Variants in ATXN7L1 observed in about 807,000 individuals in gnomAD.
The protein encoded by ATXN7L1 is ataxin 7 like 1.
In ATXN7L1, 15 loss-of-function variants were observed where a neutral mutation model predicts 70.8. That is an observed-to-expected ratio of 0.21 (90% confidence interval 0.14 to 0.33). The LOEUF (loss-of-function observed/expected upper bound fraction) is 0.33. Ranked by LOEUF, ATXN7L1 falls within the 10% of genes least tolerant of loss-of-function variation. The pLI is 1.00. For synonymous variants in ATXN7L1, 440 were observed against 445.1 expected (o/e 0.99, Z 0.14); for missense variants, 975 against 1,097.1 (o/e 0.89, Z 1.57).
At chr7:105,691,292 C>T (rs1227234357) in intron 3 of ATXN7L1, among the ~76,000 whole-genome samples, 3 of 152,122 alleles carry the variant, frequency 2.0e-5, no homozygotes, top group Non-Finnish European at 4.4e-5. Flanking sequence ...CGTTTGTGAA[C>T]GACTAAAGGA....
intron 3 of ATXN7L1, among the ~76,000 whole-genome samples, chr7:105,707,219 G>T (rs1309653164): frequency 6.6e-6 from 1 of 152,178 alleles, no homozygotes; most frequent in Non-Finnish European, 1.5e-5. Context: ...AACCCAGGCG[G>T]TGGGTTGAAT....
intron 3 of ATXN7L1, among the ~76,000 whole-genome samples, chr7:105,750,189 C>T (rs753859083): frequency 6.6e-6 from 1 of 151,740 alleles, no homozygotes; most frequent in Non-Finnish European, 1.5e-5. Flanking sequence ...TTTGCAGCCC[C>T]GGGGCCTGCT....
intron 2 of ATXN7L1, among the ~76,000 whole-genome samples, chr7:105,823,905 G>T (rs1810495682): frequency 6.6e-6 from 1 of 152,148 alleles, no homozygotes; most frequent in African/African-American, 2.4e-5. Flanking sequence ...TACTTCAGAT[G>T]GCAGGGGTAA....
intron 3 of ATXN7L1, among the ~76,000 whole-genome samples, chr7:105,784,032 G>C (rs1411786120): frequency 6.6e-6 from 1 of 152,156 alleles, no homozygotes; most frequent in Non-Finnish European, 1.5e-5. Flanking sequence ...CACCATCATA[G>C]CTCACTGCAA....
chr7:105,790,017 G>C (rs1255587183), intron 2 of ATXN7L1, among the ~76,000 whole-genome samples: 1 of 152,174 alleles, frequency 6.6e-6, no homozygotes, highest in Non-Finnish European at 1.5e-5. Context: ...GATAAACCTA[G>C]AAAATATTAG....
chr7:105,719,505 C>T (rs1290980761), intron 3 of ATXN7L1, among the ~76,000 whole-genome samples: 1 of 152,088 alleles, frequency 6.6e-6, no homozygotes, highest in Non-Finnish European at 1.5e-5. Context: ...TCTCTTGGTT[C>T]ACTGGGTTGA....
intron 3 of ATXN7L1, among the ~76,000 whole-genome samples, chr7:105,668,266 C>T: frequency 6.6e-6 from 1 of 152,046 alleles, no homozygotes; most frequent in Non-Finnish European, 1.5e-5. Flanking sequence ...AGAAAAAAAA[C>T]TCTGTCACCC....
At chr7:105,686,563 C>T (rs2116179002) in intron 3 of ATXN7L1, among the ~76,000 whole-genome samples, 1 of 152,274 alleles carries the variant, frequency 6.6e-6, no homozygotes, top group South Asian at 2.1e-4. Context: ...AATATAATAA[C>T]CTACTGAACC....
rs1041759116 is a variant in ATXN7L1 at position 105,612,671 on chromosome 7, G to A, written c.2472+1191C>T. On this transcript the variant is annotated intron_variant, in intron 10 of 11. Transcript: ENST00000419735. Reference sequence around the variant, plus strand: ...AACAGTGCCCTCAGCTCGAGCGAGAGGACCTGTGTCTCCCGCTCCTCTCAC... The same window carrying A: ...AACAGTGCCCTCAGCTCGAGCGAGAAGACCTGTGTCTCCCGCTCCTCTCAC... Among the ~76,000 whole-genome samples, 11 of 152,252 alleles carry A rather than the reference G, an allele frequency of 7.2e-5. No homozygotes were observed. In the Middle Eastern group the frequency reaches 0.017, roughly 235 times the overall value.
chr7:105,808,985 T>C (rs1808023569), intron 2 of ATXN7L1, among the ~76,000 whole-genome samples: 1 of 152,270 alleles, frequency 6.6e-6, no homozygotes, highest in African/African-American at 2.4e-5. Context: ...GAAGCCAACA[T>C]GTGAGGCGTT....
intron 6 of ATXN7L1, among the ~76,000 whole-genome samples, chr7:105,639,057 G>C (rs1797777333): frequency 6.6e-6 from 1 of 152,130 alleles, no homozygotes. Context: ...CGGCCGCCTT[G>C]GGTCAGCTGT....
At chr7:105,746,884 T>G (rs1160131325) in intron 3 of ATXN7L1, among the ~76,000 whole-genome samples, 1 of 152,248 alleles carries the variant, frequency 6.6e-6, no homozygotes, top group African/African-American at 2.4e-5. Context: ...CCTTGCCTTC[T>G]GCAATGGTGA....
chr7:105,694,050 CTTT>C (rs34797129), intron 3 of ATXN7L1, among the ~76,000 whole-genome samples: 1 of 139,370 alleles, frequency 7.2e-6, no homozygotes. Context: ...AGAAGTGAGC[CTTT>C]TTTTTTTTTT....
rs36115790 is a variant in ATXN7L1, at chr7:105,818,893, ATT to A, written c.251-30187_251-30186del. ...TGGGGACAGCTAATCTACCCACTGCATTTTTTTTTTTTTTTAAGTTCTAGGGT... is the reference window on the plus strand; with the variant it reads ...TGGGGACAGCTAATCTACCCACTGCATTTTTTTTTTTTTAAGTTCTAGGGT... On this transcript the variant is annotated intron_variant, in intron 2 of 11. Transcript: ENST00000419735. Among the ~76,000 whole-genome samples the A allele has an allele frequency of 3.2e-3, 467 of 146,558 alleles. 2 individuals are homozygous for A. The highest frequency in any genetic ancestry group is 9.4e-3 in the African/African-American group (371 of 39,660).
Position 105,850,281 on chromosome 7 carries a change from C to A in ATXN7L1, c.250+25531G>T, listed in dbSNP as rs760484525. 2.0e-5 allele frequency among the ~76,000 whole-genome samples: 3 copies of A among 152,354 alleles called. No individual in the cohort carries two copies. The South Asian group carries it at 6.2e-4, about 32-fold the overall frequency. On this transcript the variant is annotated intron_variant, in intron 2 of 11. Transcript: ENST00000419735. ...CATTTCCAGATGTCATTTCCTCATG[C>A]CTGTCATGCCCCATGGCATCGGGAA... is the stretch of plus-strand genomic sequence containing the variant.
At chr7:105,613,773 C>T (rs1793406312) in intron 10 of ATXN7L1, 89 bp downstream of exon 10, 2 of 1,544,334 alleles carry the variant, frequency 1.3e-6, no homozygotes, top group African/African-American at 1.4e-5. Context: ...GCTTGTGTTA[C>T]CTGTCGGAGC....
In ATXN7L1 at chr7:105,868,724, T is replaced by A. The variant is rs193169874; in HGVS notation, c.250+7088A>T. On this transcript the variant is annotated intron_variant, in intron 2 of 11. Transcript: ENST00000419735. ...TTCCACTTGGATAGCCTTTTGAATT[T>A]TGTAACATGAACATTATTAAAAAAA... Among the ~76,000 whole-genome samples, 370 of 152,274 alleles carry A rather than the reference T, an allele frequency of 2.4e-3. 1 individual carries two copies. The highest frequency in any genetic ancestry group is 8.1e-3 in the African/African-American group (336 of 41,546).
intron 3 of ATXN7L1, among the ~76,000 whole-genome samples, chr7:105,782,387 C>A (rs530759289): frequency 6.6e-5 from 10 of 152,112 alleles, no homozygotes; most frequent in Non-Finnish European, 1.3e-4. Flanking sequence ...TCCTAGATCT[C>A]GTGGGGAGAA....
At chr7:105,783,214 G>A (rs1321116933) in intron 3 of ATXN7L1, among the ~76,000 whole-genome samples, 1 of 152,160 alleles carries the variant, frequency 6.6e-6, no homozygotes. Context: ...TTTCCACTAT[G>A]ACATTCTATT....
Sources: gnomAD v4.1 joint callset for allele counts (sites outside exome capture counted in the v4.1 genomes callset) on GRCh38, gnomAD v4.1.1 for gene constraint, MANE v1.5 for transcripts, NCBI Gene and HGNC (gene_info 2026-07-23, HGNC 2026-07-21) for gene names.